JMJD1C: variants seen among roughly 807,000 people sequenced by gnomAD.
JMJD1C encodes jumonji domain containing 1C.
Under a neutral mutation model 245.3 loss-of-function variants are expected in JMJD1C, and 31 were observed. The observed-to-expected ratio is 0.13, with a 90% CI of 0.09 to 0.17. The LOEUF is 0.17. Among genes scored for constraint, JMJD1C ranks in the 10% least tolerant of loss-of-function variants. The probability of loss-of-function intolerance (pLI) is 1.00; values close to 1 mark genes in which losing one functional copy is unlikely to be tolerated. For synonymous variants in JMJD1C, 1,057 were observed against 1,017.4 expected (o/e 1.04, Z -0.74); for missense variants, 2,691 against 3,000.2 (o/e 0.90, Z 2.41).
chr10:63,226,734 A>AG (rs1554845624), intron 3 of JMJD1C, among the ~76,000 whole-genome samples: 196 of 144,682 alleles, frequency 1.4e-3, no homozygotes, highest in African/African-American at 2.5e-3. Flanking sequence ...AAAAAAAAAA[A>AG]AGAGAGAGAG....
Position 63,184,513 on chromosome 10 carries a change from G to A in JMJD1C, c.6961+95C>T. ...CGCCTTAGCCTCCCAAAGAGTGCTG[G>A]GATTGCAGGCGTGAGCCACTATGCC... On this transcript the variant is annotated intron_variant, in intron 21 of 25. Transcript: ENST00000399262. 3.8e-6 allele frequency: 4 copies of A among 1,065,810 alleles called. No individual in the cohort carries two copies. The East Asian group carries it at 7.7e-5, about 20-fold the overall frequency. 66.0% of individuals were successfully genotyped at this position (1,065,810 alleles called of 1,614,324 possible). A position where few individuals can be genotyped will look rare whatever the true frequency, so the allele number is the denominator to read the frequency against.
At chr10:63,184,966 CTCTT>C (rs1843950516) in intron 20 of JMJD1C, among the ~76,000 whole-genome samples, 1 of 152,222 alleles carries the variant, frequency 6.6e-6, no homozygotes, top group East Asian at 1.9e-4. Flanking sequence ...GTCCTGTGTT[CTCTT>C]TTTTTGAGAC....
chr10:63,405,739 A>C (rs1010203853), intron 1 of JMJD1C, among the ~76,000 whole-genome samples: 2 of 152,248 alleles, frequency 1.3e-5, no homozygotes, highest in Non-Finnish European at 2.9e-5. Flanking sequence ...AATGCAGCAG[A>C]CATTTCCTGT....
At chr10:63,195,335 T>C (rs56137117) in intron 13 of JMJD1C, among the ~76,000 whole-genome samples, 2,800 of 132,826 alleles carry the variant, frequency 0.021, 92 homozygotes, top group African/African-American at 0.07. Flanking sequence ...GCCTGGGTGA[T>C]AGAGCAAGAC....
At chr10:63,504,800 G>C (rs1471976938) in intron 1 of JMJD1C, among the ~76,000 whole-genome samples, 1 of 152,132 alleles carries the variant, frequency 6.6e-6, no homozygotes, top group African/African-American at 2.4e-5. Context: ...CAGCACACTT[G>C]AGGCCAGGAG....
At chr10:63,406,282 T>G (rs1042931872) in intron 1 of JMJD1C, among the ~76,000 whole-genome samples, 16 of 152,198 alleles carry the variant, frequency 1.1e-4, no homozygotes, top group African/African-American at 3.9e-4. Context: ...TCTGTGGAGC[T>G]TAACTAATCA....
chr10:63,167,505 G>GT lies in JMJD1C; in HGVS notation c.*539dup, dbSNP rs1399766016. The GT allele has an allele frequency of 6.6e-6, 1 of 152,484 alleles. No individual in the cohort carries two copies. The highest frequency in any genetic ancestry group is 2.4e-5 in the African/African-American group (1 of 41,386). 9.4% of individuals were successfully genotyped at this position (152,484 alleles called of 1,614,324 possible). On this transcript the variant is annotated 3_prime_UTR_variant, in exon 26 of 26. Transcript: ENST00000399262. ...GCTTCAACAAAATATTGAAGTGTCT[G>GT]TATTTAGTATCTACTTTATATACTT...
At chr10:63,180,125 A>G (rs951512152) in intron 22 of JMJD1C, among the ~76,000 whole-genome samples, 9 of 152,060 alleles carry the variant, frequency 5.9e-5, no homozygotes, top group African/African-American at 1.9e-4. Context: ...CTCCTGTCTC[A>G]GCTTCCCAAG....
chr10:63,222,155 A>G (rs1265681206), intron 3 of JMJD1C: 27 of 736,452 alleles, frequency 3.7e-5, no homozygotes, highest in African/African-American at 2.6e-4. Context: ...ATCTGCAGTC[A>G]TGAGTCATTT....
At chr10:63,286,033 TG>T (rs1480757394) in intron 2 of JMJD1C, among the ~76,000 whole-genome samples, 1 of 37,790 alleles carries the variant, frequency 2.6e-5, no homozygotes, top group Non-Finnish European at 5.4e-5. Flanking sequence ...CCAGATTTAC[TG>T]AAATCAGAAA....
intron 2 of JMJD1C, among the ~76,000 whole-genome samples, chr10:63,331,987 T>C (rs1184738352): frequency 6.6e-6 from 1 of 152,188 alleles, no homozygotes; most frequent in African/African-American, 2.4e-5. Flanking sequence ...CCATATTCAC[T>C]ACATGCTCAG....
chr10:63,390,941 A>T (rs1948003513), intron 1 of JMJD1C, among the ~76,000 whole-genome samples: 1 of 152,190 alleles, frequency 6.6e-6, no homozygotes, highest in Non-Finnish European at 1.5e-5. Flanking sequence ...AACAAAACAA[A>T]AAAGCCGCCA....
chr10:63,421,546 T>C (rs1206596224), intron 1 of JMJD1C, among the ~76,000 whole-genome samples: 2 of 152,220 alleles, frequency 1.3e-5, no homozygotes, highest in Admixed American at 6.5e-5. Context: ...AGTTGAGTTG[T>C]ACATTTGTAC....
chr10:63,184,404 G>A (rs1843867089), intron 21 of JMJD1C, among the ~76,000 whole-genome samples: 2 of 151,950 alleles, frequency 1.3e-5, no homozygotes, highest in Admixed American at 1.3e-4. Flanking sequence ...CACCACACCT[G>A]GCTAATTTTT....
chr10:63,427,292 G>A (rs1033047915), intron 1 of JMJD1C: 8 of 712,214 alleles, frequency 1.1e-5, no homozygotes, highest in Non-Finnish European at 1.6e-5. Flanking sequence ...ACTCCAGCCG[G>A]GACGATGGTG....
chr10:63,216,437 G>A (rs919701633), intron 5 of JMJD1C, among the ~76,000 whole-genome samples: 4 of 152,144 alleles, frequency 2.6e-5, no homozygotes, highest in East Asian at 1.9e-4. Context: ...GGAGCCGGGC[G>A]CGGTGGCTCA....
intron 1 of JMJD1C, among the ~76,000 whole-genome samples, chr10:63,417,294 T>C (rs1422981697): frequency 2.6e-5 from 4 of 152,176 alleles, no homozygotes; most frequent in South Asian, 4.1e-4. Context: ...TACTACTATA[T>C]TGGGTTTTTA....
intron 2 of JMJD1C, among the ~76,000 whole-genome samples, chr10:63,347,342 G>C (rs1043275974): frequency 1.3e-5 from 2 of 152,030 alleles, no homozygotes; most frequent in Non-Finnish European, 2.9e-5. Flanking sequence ...CCAGCACTTT[G>C]GGAGGCCGAC....
At chr10:63,314,956 G>GTT (rs71025156) in intron 2 of JMJD1C, among the ~76,000 whole-genome samples, 7,700 of 133,314 alleles carry the variant, frequency 0.058, 395 homozygotes, top group Middle Eastern at 0.11. Context: ...AGCCTTTTTT[G>GTT]TTTTTTTTTT....
Sources: gnomAD v4.1 joint callset for allele counts (sites outside exome capture counted in the v4.1 genomes callset) on GRCh38, gnomAD v4.1.1 for gene constraint, MANE v1.5 for transcripts, NCBI Gene and HGNC (gene_info 2026-07-23, HGNC 2026-07-21) for gene names.